EMSY: variants seen among roughly 807,000 people sequenced by gnomAD.
EMSY encodes BRCA2-interacting transcriptional repressor EMSY.
A neutral mutation model predicts 134.6 loss-of-function variants in EMSY; 26 were observed. That is an observed-to-expected ratio of 0.19 (90% confidence interval 0.14 to 0.27). The LOEUF is 0.27. EMSY is among the 10% of genes least tolerant of loss of function. The pLI is 1.00. For missense variants in EMSY, 1,305 were observed against 1,611.4 expected, an observed-to-expected ratio of 0.81 and a Z score of 3.26; for synonymous variants, 579 against 577.8, an observed-to-expected ratio of 1.00 and a Z score of -0.03.
At chr11:76,489,811 G>C (rs1246087528) in intron 8 of EMSY, among the ~76,000 whole-genome samples, 3 of 151,980 alleles carry the variant, frequency 2.0e-5, no homozygotes, top group African/African-American at 7.3e-5. Context: ...CACCATGTTG[G>C]CCAGGCTGGT....
intron 11 of EMSY, among the ~76,000 whole-genome samples, chr11:76,518,960 T>G (rs1315269326): frequency 1.2e-4 from 18 of 151,754 alleles, no homozygotes. Flanking sequence ...TGTATAAATA[T>G]CCTAGAATGC....
chr11:76,447,191 G>A (rs1386473251), intron 2 of EMSY, among the ~76,000 whole-genome samples, 183 bp downstream of exon 2: 1 of 152,176 alleles, frequency 6.6e-6, no homozygotes, highest in African/African-American at 2.4e-5. Context: ...GTAAATAGTA[G>A]GTGTGTGAAT....
At chr11:76,485,036 G>A (rs1437233021) in intron 8 of EMSY, among the ~76,000 whole-genome samples, 1 of 151,896 alleles carries the variant, frequency 6.6e-6, no homozygotes, top group Non-Finnish European at 1.5e-5. Context: ...ATAACAAGTT[G>A]TGAAATTGAG....
In EMSY at chr11:76,510,774, T is replaced by C. The variant is rs368504460; in HGVS notation, c.1364-2612T>C. Among the ~76,000 whole-genome samples the C allele has an allele frequency of 7.0e-4, 106 of 152,302 alleles. 4 individuals carry two copies. The South Asian group carries it at 0.021, about 30-fold the overall frequency. ...ATGATATAATCTGAAGTCTGGTTTC[T>C]CCTGAGAAGAAAACCTTTCAACTGG... On this transcript the variant is annotated intron_variant, in intron 9 of 20. Coordinates refer to ENST00000334736, the Ensembl canonical transcript of EMSY.
intron 5 of EMSY, 120 bp downstream of exon 6, chr11:76,458,478 A>G (rs1488521226): frequency 1.3e-5 from 13 of 1,029,720 alleles, no homozygotes; most frequent in Non-Finnish European, 1.6e-5. Context: ...GTTATGAAAC[A>G]TAGTAGGAAA....
chr11:76,527,483 G>T (rs1207957574), intron 13 of EMSY, among the ~76,000 whole-genome samples: 1 of 152,054 alleles, frequency 6.6e-6, no homozygotes, highest in Non-Finnish European at 1.5e-5. Flanking sequence ...AATCTTATAT[G>T]TGGTAGAAAC....
intron 7 of EMSY, among the ~76,000 whole-genome samples, chr11:76,468,889 T>G (rs1423790529): frequency 6.6e-6 from 1 of 152,134 alleles, no homozygotes; most frequent in African/African-American, 2.4e-5. Context: ...TTTTTGTGAG[T>G]GCTAGAAGGT....
intron 16 of EMSY, 130 bp from the exon 18 acceptor site, chr11:76,539,469 T>C: frequency 1.2e-6 from 1 of 857,598 alleles, no homozygotes; most frequent in Non-Finnish European, 1.9e-6. Context: ...TTTAGAGATA[T>C]TTAGCAGAAA....
intron 8 of EMSY, among the ~76,000 whole-genome samples, chr11:76,486,107 T>G (rs1003933925): frequency 6.6e-6 from 1 of 152,170 alleles, no homozygotes; most frequent in African/African-American, 2.4e-5. Flanking sequence ...TGCGGGGACA[T>G]GCATGAAGCT....
At chr11:76,455,985 T>C (rs1947857808) in intron 4 of EMSY, among the ~76,000 whole-genome samples, 1 of 152,152 alleles carries the variant, frequency 6.6e-6, no homozygotes, top group African/African-American at 2.4e-5. Context: ...TGGTGCCTTA[T>C]ACACCAAAGG....
intron 8 of EMSY, among the ~76,000 whole-genome samples, chr11:76,484,745 C>A (rs1024035285): frequency 2.0e-5 from 3 of 151,934 alleles, no homozygotes; most frequent in African/African-American, 7.3e-5. Flanking sequence ...CCAGCCTGAC[C>A]AACATGGAGA....
intron 6 of EMSY, 22 bp downstream of exon 7, chr11:76,460,107 A>C (rs373792798): frequency 5.3e-5 from 85 of 1,613,168 alleles, no homozygotes; most frequent in Non-Finnish European, 6.5e-5. Context: ...TCTCAGTGTT[A>C]TCAGGGCCTT....
chr11:76,469,615 CA>C, intron 7 of EMSY, among the ~76,000 whole-genome samples: 1 of 152,310 alleles, frequency 6.6e-6, no homozygotes, highest in East Asian at 1.9e-4. Context: ...CAAATATTGA[CA>C]ACCTGCTGTG....
At chr11:76,531,851 C>T (rs1951052186) in intron 14 of EMSY, among the ~76,000 whole-genome samples, 1 of 152,148 alleles carries the variant, frequency 6.6e-6, no homozygotes, top group Non-Finnish European at 1.5e-5. Context: ...ACTTCTGCTA[C>T]ACAAGTCCTG....
intron 6 of EMSY, among the ~76,000 whole-genome samples, chr11:76,463,484 G>A (rs1458730814): frequency 1.3e-5 from 2 of 152,144 alleles, no homozygotes; most frequent in South Asian, 4.1e-4. Context: ...TTAGCCGGGC[G>A]CGGTGGCGGG....
At chr11:76,496,719 G>C in intron 9 of EMSY, 1 of 513,620 alleles carries the variant, frequency 1.9e-6, no homozygotes, top group Non-Finnish European at 3.5e-6. Flanking sequence ...TTTTTTGTTA[G>C]TATATAAAAA....
chr11:76,468,336 TA>T (rs1242860999), intron 7 of EMSY, among the ~76,000 whole-genome samples: 2 of 152,098 alleles, frequency 1.3e-5, no homozygotes, highest in Non-Finnish European at 2.9e-5. Context: ...AACAAATGTT[TA>T]AAACAAATTA....
At chr11:76,522,342 GTTTAC>G (rs1950671214) in intron 11 of EMSY, among the ~76,000 whole-genome samples, 1 of 80,738 alleles carries the variant, frequency 1.2e-5, no homozygotes, top group South Asian at 3.9e-4. Flanking sequence ...TTTGTATATC[GTTTAC>G]TTTGCTTTTT....
intron 19 of EMSY, 47 bp downstream of exon 20, chr11:76,544,869 G>A: frequency 5.9e-6 from 9 of 1,533,492 alleles, no homozygotes; most frequent in Admixed American, 5.7e-5. Flanking sequence ...TCTGTTCACG[G>A]AAAAAAAAAT....
Sources: gnomAD v4.1 joint callset for allele counts (sites outside exome capture counted in the v4.1 genomes callset) on GRCh38, gnomAD v4.1.1 for gene constraint, MANE v1.5 for transcripts, NCBI Gene and HGNC (gene_info 2026-07-23, HGNC 2026-07-21) for gene names.